CHRM3: variants seen among roughly 807,000 people sequenced by gnomAD.
The protein encoded by CHRM3 is cholinergic receptor muscarinic 3.
In CHRM3, 11 loss-of-function variants were observed where a neutral mutation model predicts 41.8. That is an observed-to-expected ratio of 0.26 (90% CI 0.17 to 0.44). The LOEUF (loss-of-function observed/expected upper bound fraction) is 0.44, where lower values mean the gene tolerates loss of function less well. Ranked by LOEUF, CHRM3 falls within the 20% of genes least tolerant of loss-of-function variation. The pLI is 1.00. For synonymous variants in CHRM3, 297 were observed against 301.4 expected, an observed-to-expected ratio of 0.99 and a Z score of 0.15; for missense variants, 571 against 745.4, an observed-to-expected ratio of 0.77 and a Z score of 2.72.
intron 5 of CHRM3, among the ~76,000 whole-genome samples, chr1:239,729,257 T>C (rs979934338): frequency 6.6e-6 from 1 of 150,826 alleles, no homozygotes; most frequent in African/African-American, 2.4e-5. Flanking sequence ...TGAGTGAACA[T>C]TTTTTTAATA....
At chr1:239,873,351 T>A (rs573322013) in intron 6 of CHRM3, among the ~76,000 whole-genome samples, 1 of 152,232 alleles carries the variant, frequency 6.6e-6, no homozygotes, top group Admixed American at 6.5e-5. Context: ...TTCTCTTTTT[T>A]TTTATTTATT....
chr1:239,611,416 CTTTT>C (rs75352638), intron 3 of CHRM3, among the ~76,000 whole-genome samples: 2 of 96,218 alleles, frequency 2.1e-5, no homozygotes, highest in Non-Finnish European at 3.9e-5. Flanking sequence ...TTGCAAGTGA[CTTTT>C]TTTTTTTTTT....
chr1:239,603,961 C>A (rs911796840), intron 3 of CHRM3, among the ~76,000 whole-genome samples: 26 of 152,004 alleles, frequency 1.7e-4, no homozygotes, highest in Non-Finnish European at 3.2e-4. Flanking sequence ...AGTTTTCAGA[C>A]ATGCAGTTAA....
At chr1:239,853,678 G>A (rs927076624) in intron 6 of CHRM3, among the ~76,000 whole-genome samples, 3 of 152,018 alleles carry the variant, frequency 2.0e-5, no homozygotes, top group African/African-American at 4.8e-5. Context: ...ATGACAAACT[G>A]TATCTTCAGG....
At chr1:239,577,097 C>A (rs1662438355) in intron 3 of CHRM3, among the ~76,000 whole-genome samples, 1 of 151,994 alleles carries the variant, frequency 6.6e-6, no homozygotes, top group African/African-American at 2.4e-5. Flanking sequence ...GATTGCTTCC[C>A]CAGAATTTGT....
intron 5 of CHRM3, among the ~76,000 whole-genome samples, chr1:239,726,878 A>G (rs757377145): frequency 2.0e-5 from 3 of 151,904 alleles, no homozygotes; most frequent in Non-Finnish European, 4.4e-5. Flanking sequence ...CTTATTGAAT[A>G]CTCTTTGCCT....
chr1:239,539,166 A>G (rs774781190), intron 2 of CHRM3, among the ~76,000 whole-genome samples: 1 of 152,200 alleles, frequency 6.6e-6, no homozygotes, highest in Non-Finnish European at 1.5e-5. Flanking sequence ...GCTGCTTCAG[A>G]TTCCCTGATG....
At chr1:239,694,909 A>G (rs180816889) in intron 5 of CHRM3, among the ~76,000 whole-genome samples, 231 of 149,990 alleles carry the variant, frequency 1.5e-3, no homozygotes, top group African/African-American at 5.1e-3. Flanking sequence ...AGAGTCGTGT[A>G]TTTATTTTTC....
chr1:239,602,533 A>G (rs1164976067), intron 3 of CHRM3, among the ~76,000 whole-genome samples: 2 of 152,174 alleles, frequency 1.3e-5, no homozygotes, highest in Non-Finnish European at 2.9e-5. Context: ...TAGGCACCTA[A>G]TACATGTTTG....
intron 3 of CHRM3, among the ~76,000 whole-genome samples, chr1:239,578,621 G>A (rs200936275): frequency 1.1e-4 from 17 of 152,246 alleles, no homozygotes; most frequent in Admixed American, 8.5e-4. Context: ...TAACTTGCCC[G>A]AGTGTATAGA....
intron 1 of CHRM3, among the ~76,000 whole-genome samples, chr1:239,437,600 G>A (rs1238958668): frequency 1.3e-5 from 2 of 152,034 alleles, no homozygotes; most frequent in African/African-American, 2.4e-5. Context: ...GCAATGGCAC[G>A]ATCTCGGCTC....
chr1:239,759,837 G>C (rs560088341), intron 5 of CHRM3, among the ~76,000 whole-genome samples: 4 of 152,126 alleles, frequency 2.6e-5, no homozygotes, highest in African/African-American at 9.7e-5. Context: ...GAGAAGCTTC[G>C]CTGAATCATC....
chr1:239,897,851 T>C (rs1000560011), intron 6 of CHRM3, among the ~76,000 whole-genome samples: 1 of 152,238 alleles, frequency 6.6e-6, no homozygotes, highest in Non-Finnish European at 1.5e-5. Flanking sequence ...AAAACTGTTA[T>C]TTCAGCAGCT....
rs368726833 is a variant in CHRM3, at chr1:239,400,189, G to A, written c.-521+12962G>A. On this transcript the variant is annotated intron_variant, in intron 1 of 6. Transcript: ENST00000676153. The stretch of plus-strand genomic sequence containing the variant: ...CTTCCAAAGTGTGGGGATTACAGGC[G>A]TGAGCCATGACTCTTGGCCGCTAGT... 7.9e-5 allele frequency among the ~76,000 whole-genome samples: 12 copies of A among 152,318 alleles called. No individual in the cohort carries two copies. The East Asian group carries it at 1.3e-3, about 17-fold the overall frequency.
chr1:239,828,735 A>G (rs1344272152), intron 6 of CHRM3, among the ~76,000 whole-genome samples: 1 of 152,148 alleles, frequency 6.6e-6, no homozygotes, highest in African/African-American at 2.4e-5. Context: ...TAGAATATCA[A>G]TGCAGATTTT....
chr1:239,811,764 A>C (rs1409998372), intron 5 of CHRM3, among the ~76,000 whole-genome samples: 2 of 152,162 alleles, frequency 1.3e-5, no homozygotes, highest in Non-Finnish European at 2.9e-5. Flanking sequence ...TAATGTTAAA[A>C]GTTTCTCTAG....
chr1:239,855,540 G>A (rs181257811), intron 6 of CHRM3, among the ~76,000 whole-genome samples: 1 of 152,020 alleles, frequency 6.6e-6, no homozygotes, highest in South Asian at 2.1e-4. Context: ...CAGCATTAGG[G>A]GATTTTACTA....
intron 5 of CHRM3, among the ~76,000 whole-genome samples, chr1:239,686,236 AG>A (rs1246401462): frequency 6.6e-6 from 1 of 152,198 alleles, no homozygotes; most frequent in Non-Finnish European, 1.5e-5. Flanking sequence ...TGGTGCCTAT[AG>A]GCGCTTTGTT....
intron 2 of CHRM3, among the ~76,000 whole-genome samples, chr1:239,514,891 T>C (rs1209065515): frequency 6.6e-6 from 1 of 152,158 alleles, no homozygotes; most frequent in Non-Finnish European, 1.5e-5. Context: ...GATACCATGG[T>C]AGAAGTAAAA....
Sources: allele counts gnomAD v4.1 joint callset (sites outside exome capture counted in the v4.1 genomes callset), GRCh38; gene constraint gnomAD v4.1.1; transcripts MANE v1.5; gene names NCBI Gene and HGNC (gene_info 2026-07-23, HGNC 2026-07-21).